Variants in GAN observed in about 807,000 individuals in gnomAD.
GAN encodes epididymis secretory sperm binding protein.
In GAN, 48 loss-of-function variants were observed where a neutral mutation model predicts 71.3. The ratio of observed to expected loss-of-function variants is 0.67; its 90% CI spans 0.53 to 0.86. GAN has a LOEUF of 0.86. GAN is among the 40% of genes least tolerant of loss of function. The pLI is 0.00. For missense variants in GAN, 928 were observed against 770.1 expected, an observed-to-expected ratio of 1.21 and a Z score of -2.43; for synonymous variants, 386 against 276.8, an observed-to-expected ratio of 1.39 and a Z score of -3.92.
Position 81,356,790 on chromosome 16 carries a change from C to T in GAN, c.639C>T (p.His213=), listed in dbSNP as rs753515891. Reference sequence around the variant, plus strand: ...CTTTCTTCCCTCTTCTGCAGGTCCACATGAAGGATGTTATGTCAGCTCTGT... The same window carrying T: ...CTTTCTTCCCTCTTCTGCAGGTCCATATGAAGGATGTTATGTCAGCTCTGT... ...IAHDTEIRKV[H]MKDVMSALWV... is the part of the protein sequence containing the mutation. Residue 213 remains histidine, a synonymous_variant, in exon 4 of 11, where the codon CAC becomes CAT. Coordinates refer to ENST00000648994, the MANE Select transcript of GAN (RefSeq NM_022041.4). 1.9e-6 allele frequency: 3 copies of T among 1,607,824 alleles called. No individual in the cohort carries two copies. Among genetic ancestry groups the T allele is most frequent in the Middle Eastern group, 3.3e-4 (2 of 6,044 alleles).
Position 81,364,949 on chromosome 16 carries a change from C to T in GAN, c.1237-25C>T, listed in dbSNP as rs770928811. 7 of 1,612,432 alleles carry T rather than the reference C, an allele frequency of 4.3e-6. No individual in the cohort carries two copies. The African/African-American group carries it at 8.0e-5, about 18-fold the overall frequency. ...ACCTGAATGAGAAATGTTGCCTCTCCCCCACCATTGTTCTCTGCTTTCAGA... is the reference window on the plus strand; with the variant it reads ...ACCTGAATGAGAAATGTTGCCTCTCTCCCACCATTGTTCTCTGCTTTCAGA... On this transcript the variant is annotated intron_variant, in intron 7 of 10. Coordinates refer to ENST00000648994, the MANE Select transcript of GAN (RefSeq NM_022041.4).
rs1049302531 is a variant in GAN at position 81,365,506 on chromosome 16, C to G, written c.1502+28C>G. On this transcript the variant is annotated intron_variant, in intron 9 of 10. Coordinates refer to ENST00000648994, the MANE Select transcript of GAN (RefSeq NM_022041.4). Reference sequence around the variant, plus strand: ...AACTAAGAATGGTTTCACATAGCTACTGCAACTTTTTCTTTGTGCTTTCAG... The same window carrying G: ...AACTAAGAATGGTTTCACATAGCTAGTGCAACTTTTTCTTTGTGCTTTCAG... 33 of 1,607,114 alleles carry G rather than the reference C, an allele frequency of 2.1e-5. No individual in the cohort carries two copies. The Admixed American group carries it at 3.7e-4, about 18-fold the overall frequency.
At position 81,354,533 on chromosome 16, in the gene GAN, C is replaced by A. The variant is rs1238862200; in HGVS notation, c.411C>A (p.Ile137=). 6.2e-7 allele frequency: 1 copy of A among 1,613,974 alleles called. No homozygotes were observed. Among genetic ancestry groups the A allele is most frequent in the Non-Finnish European group, 8.5e-7 (1 of 1,179,848 alleles). Residue 137 remains isoleucine, a synonymous_variant, in exon 3 of 11, where the codon ATC becomes ATA. Coordinates refer to ENST00000648994, the MANE Select transcript of GAN (RefSeq NM_022041.4). ...GCIAAENCIG[I]RDFALHYCLH... ...TTGCTGCTGAGAACTGTATTGGTAT[C>A]CGTGACTTTGCACTACATTACTGCC...
intron 1 of GAN, among the ~76,000 whole-genome samples, chr16:81,325,381 T>C (rs898457988): frequency 2.0e-5 from 3 of 152,126 alleles, no homozygotes; most frequent in Admixed American, 6.5e-5. Context: ...AGCAGGGCCA[T>C]TGAGGCAGAA....
chr16:81,365,064 C>G lies in GAN; in HGVS notation c.1327C>G (p.Pro443Ala), dbSNP rs150043237. The G allele has an allele frequency of 1.0e-4, 167 of 1,613,682 alleles. No individual in the cohort carries two copies. Among genetic ancestry groups the G allele is most frequent in the Non-Finnish European group, 1.3e-4 (159 of 1,179,758 alleles). Reference sequence around the variant, plus strand: ...TTTTGAGTCTGTAGAGTGTTATGATCCCAGGACCCAGCAGTGGACTGCCAT... The same window carrying G: ...TTTTGAGTCTGTAGAGTGTTATGATGCCAGGACCCAGCAGTGGACTGCCAT... ...KLFESVECYD[P>A]RTQQWTAICP... Residue 443 changes from proline (P) to alanine (A), a missense_variant, in exon 8 of 11, where the codon CCC (proline) becomes GCC (alanine). Coordinates refer to ENST00000648994, the MANE Select transcript of GAN (RefSeq NM_022041.4).
At position 81,384,359 on chromosome 16, in the gene GAN, C is replaced by T. The variant is rs1904341867; in HGVS notation, c.*6763C>T. 6.6e-6 allele frequency: 1 copy of T among 150,928 alleles called. No homozygotes were observed. The highest frequency in any genetic ancestry group is 1.5e-5 in the Non-Finnish European group (1 of 67,790). 9.3% of individuals were successfully genotyped at this position (150,928 alleles called of 1,614,324 possible). On this transcript the variant is annotated 3_prime_UTR_variant, in exon 11 of 11. Coordinates refer to ENST00000648994, the MANE Select transcript of GAN (RefSeq NM_022041.4). ...CTTACAACCAGGAGGAATAATAATTCTCCTAGAGTTGCTGCAAACTGATTA... is the reference window on the plus strand; with the variant it reads ...CTTACAACCAGGAGGAATAATAATTTTCCTAGAGTTGCTGCAAACTGATTA...
chr16:81,365,254 G>C, intron 8 of GAN, 96 bp from the exon 9 acceptor site: 2 of 1,570,872 alleles, frequency 1.3e-6, no homozygotes, highest in East Asian at 2.2e-5. Context: ...GGCCCACGTA[G>C]TAATGCTGCA....
At chr16:81,360,084 CAGAT>C (rs1288825212) in intron 5 of GAN, among the ~76,000 whole-genome samples, 12 of 147,982 alleles carry the variant, frequency 8.1e-5, no homozygotes, top group South Asian at 4.3e-4. Flanking sequence ...GATGGACAGA[CAGAT>C]AGGTAGATAG....
At chr16:81,362,399 C>T (rs1429291879) in intron 5 of GAN, 100 bp from the exon 6 acceptor site, 3 of 741,806 alleles carry the variant, frequency 4.0e-6, no homozygotes, top group Admixed American at 1.9e-5. Flanking sequence ...ACATTGTTGT[C>T]ATCAGAGAGT....
At position 81,380,625 on chromosome 16, in the gene GAN, T is replaced by C. The variant is rs956801505; in HGVS notation, c.*3029T>C. The C allele has an allele frequency of 6.6e-6, 1 of 152,208 alleles. No homozygotes were observed. The highest frequency in any genetic ancestry group is 6.5e-5 in the Admixed American group (1 of 15,282). The allele number at this position is 152,208 out of a possible 1,614,324, so 9.4% of individuals were successfully genotyped here. On this transcript the variant is annotated 3_prime_UTR_variant, in exon 11 of 11. Transcript: ENST00000648994. Reference sequence around the variant, plus strand: ...AATGTATTTGTGTTTACTTTTTGAATTGTAGTTCTAAACTACATATATTAC... The same window carrying C: ...AATGTATTTGTGTTTACTTTTTGAACTGTAGTTCTAAACTACATATATTAC...
At position 81,390,157 on chromosome 16, in the gene GAN, G is replaced by T. The variant is rs766673851; in HGVS notation, c.*12561G>T. ...TGCAATGAAAATCATAGCTAAATAG[G>T]CAGGTTTAGAAAGTTCAAAATATTG... On this transcript the variant is annotated 3_prime_UTR_variant, in exon 11 of 11. Coordinates refer to ENST00000648994, the MANE Select transcript of GAN (RefSeq NM_022041.4). The T allele has an allele frequency of 1.3e-5, 2 of 152,098 alleles. No homozygotes were observed. The highest frequency in any genetic ancestry group is 1.3e-4 in the Admixed American group (2 of 15,272). 9.4% of individuals were successfully genotyped at this position (152,098 alleles called of 1,614,324 possible).
intron 3 of GAN, 123 bp downstream of exon 3, chr16:81,354,878 G>C: frequency 1.5e-6 from 1 of 660,670 alleles, no homozygotes; most frequent in Non-Finnish European, 2.7e-6. Flanking sequence ...AAAGATACCT[G>C]TAAAACATGT....
rs112695342 is a variant in GAN, at chr16:81,345,335, A to T, written c.168-6248A>T. Among the ~76,000 whole-genome samples the T allele has an allele frequency of 8.5e-5, 13 of 152,354 alleles. 1 individual carries two copies. Among genetic ancestry groups the T allele is most frequent in the African/African-American group, 3.1e-4 (13 of 41,576 alleles). ...GATGCGGCACTATTCACAATAGCAAAGACTTGGAACCAACCCAAATGTCCA... is the reference window on the plus strand; with the variant it reads ...GATGCGGCACTATTCACAATAGCAATGACTTGGAACCAACCCAAATGTCCA... On this transcript the variant is annotated intron_variant, in intron 1 of 10. Transcript: ENST00000648994.
intron 1 of GAN, among the ~76,000 whole-genome samples, chr16:81,348,254 C>T (rs895172311): frequency 1.3e-5 from 2 of 151,954 alleles, no homozygotes; most frequent in African/African-American, 4.8e-5. Context: ...CCATTTTTTG[C>T]TGGCTTATGA....
chr16:81,319,811 T>C (rs1268142577), intron 1 of GAN, among the ~76,000 whole-genome samples: 1 of 152,168 alleles, frequency 6.6e-6, no homozygotes, highest in Non-Finnish European at 1.5e-5. Flanking sequence ...TTCTGGGCTC[T>C]AGCTTCCTTA....
chr16:81,348,014 T>C lies in GAN; in HGVS notation c.168-3569T>C, dbSNP rs148817036. Among the ~76,000 whole-genome samples the C allele has an allele frequency of 7.3e-3, 1,106 of 152,088 alleles. 14 individuals carry two copies. The highest frequency in any genetic ancestry group is 0.026 in the African/African-American group (1,069 of 41,528). ...TCTCATTTTCTTTTTTAAAAAATTATTTAATAAATTTTAAAAAAAATAGAG... is the reference window on the plus strand; with the variant it reads ...TCTCATTTTCTTTTTTAAAAAATTACTTAATAAATTTTAAAAAAAATAGAG... On this transcript the variant is annotated intron_variant, in intron 1 of 10. Transcript: ENST00000648994.
rs1219424932 is a variant in GAN at position 81,348,828 on chromosome 16, C to A, written c.168-2755C>A. On this transcript the variant is annotated intron_variant, in intron 1 of 10. Coordinates refer to ENST00000648994, the MANE Select transcript of GAN (RefSeq NM_022041.4). ...GTGCCCTTGGGTCTGTACCCTTGGG[C>A]TGATCAAGTCCTCCAGAAGAGTCTT... is the stretch of plus-strand genomic sequence containing the variant. 2.0e-5 allele frequency among the ~76,000 whole-genome samples: 3 copies of A among 152,170 alleles called. No homozygotes were observed. In the East Asian group the frequency reaches 5.8e-4, roughly 29 times the overall value.
At chr16:81,325,506 T>C (rs1162112768) in intron 1 of GAN, among the ~76,000 whole-genome samples, 3 of 152,206 alleles carry the variant, frequency 2.0e-5, no homozygotes, top group African/African-American at 7.2e-5. Flanking sequence ...AGATTTTTAC[T>C]TTATCATCAG....
chr16:81,366,276 C>T (rs1016210996), intron 9 of GAN, among the ~76,000 whole-genome samples: 2 of 152,214 alleles, frequency 1.3e-5, no homozygotes, highest in African/African-American at 4.8e-5. Flanking sequence ...TCCTACCTGT[C>T]TGTATCAGAT....
Sources: allele counts gnomAD v4.1 joint callset (sites outside exome capture counted in the v4.1 genomes callset), GRCh38; gene constraint gnomAD v4.1.1; transcripts MANE v1.5; gene names NCBI Gene and HGNC (gene_info 2026-07-23, HGNC 2026-07-21).